The following PLXNA2 variants were observed in gnomAD, a reference collection of about 807,000 sequenced individuals.
PLXNA2 encodes plexin A2.
A neutral mutation model predicts 193.5 loss-of-function variants in PLXNA2; 91 were observed. The ratio of observed to expected loss-of-function variants is 0.47; its 90% CI spans 0.40 to 0.56. PLXNA2 has a LOEUF of 0.56. Among genes scored for constraint, PLXNA2 ranks in the 20% least tolerant of loss-of-function variants. The pLI is 0.00. For synonymous variants in PLXNA2, 997 were observed against 1,027.3 expected (o/e 0.97, Z 0.56); for missense variants, 1,995 against 2,503.2 (o/e 0.80, Z 4.33).
chr1:208,179,282 G>A (rs949896988), intron 3 of PLXNA2, among the ~76,000 whole-genome samples: 1 of 152,342 alleles, frequency 6.6e-6, no homozygotes, highest in Non-Finnish European at 1.5e-5. Flanking sequence ...CACCAATAAC[G>A]TGAGGTCAGA....
chr1:208,108,584 A>G (rs901300806), intron 4 of PLXNA2, among the ~76,000 whole-genome samples: 5 of 152,172 alleles, frequency 3.3e-5, no homozygotes, highest in African/African-American at 9.7e-5. Flanking sequence ...GCTCTTCTGG[A>G]GAAACGCCTG....
In PLXNA2 at chr1:208,124,872, G is replaced by A. The variant is rs116424073; in HGVS notation, c.1506+17457C>T. Among the ~76,000 whole-genome samples, 1,205 of 152,114 alleles carry A rather than the reference G, an allele frequency of 7.9e-3. 15 individuals carry two copies. The highest frequency in any genetic ancestry group is 0.025 in the African/African-American group (1,049 of 41,490). ...AGCTAGGCCAAGCTGGTGTCACAGC[G>A]TCCTTAGTGGCCAGGCACGGCAGTA... On this transcript the variant is annotated intron_variant, in intron 4 of 31. Transcript: ENST00000367033.
intron 3 of PLXNA2, among the ~76,000 whole-genome samples, chr1:208,191,079 G>A (rs533341094): frequency 2.0e-5 from 3 of 152,320 alleles, no homozygotes; most frequent in African/African-American, 7.2e-5. Context: ...GTCCCAAAAG[G>A]ATTCGGCTGC....
intron 4 of PLXNA2, among the ~76,000 whole-genome samples, chr1:208,123,975 T>C (rs530313540): frequency 2.0e-5 from 3 of 152,274 alleles, no homozygotes; most frequent in South Asian, 4.2e-4. Context: ...AGAGAAACTA[T>C]TTAAAGCCTA....
intron 13 of PLXNA2, among the ~76,000 whole-genome samples, chr1:208,057,810 G>T (rs1041596418): frequency 2.0e-5 from 3 of 152,208 alleles, no homozygotes; most frequent in African/African-American, 7.2e-5. Flanking sequence ...GCTTCCGGAG[G>T]CACCTTAGTG....
At chr1:208,034,143 G>A (rs1264127934) in intron 27 of PLXNA2, among the ~76,000 whole-genome samples, 1 of 152,344 alleles carries the variant, frequency 6.6e-6, no homozygotes, top group South Asian at 2.1e-4. Flanking sequence ...GTAAAAGGGG[G>A]CACTCTTAAT....
At chr1:208,172,615 CTAT>C (rs1230479895) in intron 3 of PLXNA2, among the ~76,000 whole-genome samples, 1 of 152,120 alleles carries the variant, frequency 6.6e-6, no homozygotes, top group East Asian at 1.9e-4. Flanking sequence ...TGGGTGGCAA[CTAT>C]CCCAAGGAAG....
At chr1:208,063,653 A>T (rs1665688046) in intron 12 of PLXNA2, among the ~76,000 whole-genome samples, 1 of 151,876 alleles carries the variant, frequency 6.6e-6, no homozygotes, top group Non-Finnish European at 1.5e-5. Context: ...TATGCAGTGT[A>T]CCATGCTGCC....
chr1:208,040,178 G>A, intron 22 of PLXNA2, 120 bp from the exon 23 acceptor site: 1 of 766,872 alleles, frequency 1.3e-6, no homozygotes, highest in Middle Eastern at 3.2e-4. Context: ...CAGGGCGGGA[G>A]TCAGGACACC....
intron 1 of PLXNA2, among the ~76,000 whole-genome samples, chr1:208,227,328 AGTT>A (rs1408724515): frequency 1.3e-5 from 2 of 152,282 alleles, no homozygotes; most frequent in African/African-American, 4.8e-5. Context: ...TGCTATCCAT[AGTT>A]GTGTGATTAG....
At chr1:208,119,665 A>T (rs1187450971) in intron 4 of PLXNA2, among the ~76,000 whole-genome samples, 1 of 152,178 alleles carries the variant, frequency 6.6e-6, no homozygotes, top group Non-Finnish European at 1.5e-5. Context: ...GCTAGAGTGC[A>T]GTGGCACAGT....
At chr1:208,095,068 G>A (rs2102406392) in intron 8 of PLXNA2, among the ~76,000 whole-genome samples, 1 of 152,296 alleles carries the variant, frequency 6.6e-6, no homozygotes, top group East Asian at 1.9e-4. Context: ...GGATGAGTCC[G>A]TAAACATTCC....
At chr1:208,208,038 C>T (rs1670792578) in intron 3 of PLXNA2, among the ~76,000 whole-genome samples, 1 of 152,248 alleles carries the variant, frequency 6.6e-6, no homozygotes, top group Non-Finnish European at 1.5e-5. Flanking sequence ...GAGAACTTGG[C>T]CAACTCAGGT....
chr1:208,144,303 A>G (rs909998539), intron 3 of PLXNA2, among the ~76,000 whole-genome samples: 7 of 152,196 alleles, frequency 4.6e-5, no homozygotes, highest in African/African-American at 1.7e-4. Flanking sequence ...GGGAAGGTCA[A>G]CAGCACTATT....
At chr1:208,058,316 C>T (rs1490026452) in intron 13 of PLXNA2, among the ~76,000 whole-genome samples, 2 of 152,206 alleles carry the variant, frequency 1.3e-5, no homozygotes, top group African/African-American at 4.8e-5. Context: ...CTCCACAGAC[C>T]TGTGGGGTGC....
chr1:208,172,887 A>G (rs1669538908), intron 3 of PLXNA2, among the ~76,000 whole-genome samples: 1 of 152,304 alleles, frequency 6.6e-6, no homozygotes, highest in African/African-American at 2.4e-5. Flanking sequence ...AGCAGCTCCC[A>G]GTGAATATGA....
chr1:208,150,795 C>G (rs1430707250), intron 3 of PLXNA2, among the ~76,000 whole-genome samples: 1 of 152,154 alleles, frequency 6.6e-6, no homozygotes, highest in Non-Finnish European at 1.5e-5. Flanking sequence ...CCAAGCACCC[C>G]ATCTCTGGGG....
chr1:208,033,883 T>G (rs1280082343), intron 27 of PLXNA2, among the ~76,000 whole-genome samples: 1 of 152,224 alleles, frequency 6.6e-6, no homozygotes, highest in Non-Finnish European at 1.5e-5. Context: ...GTTGTAATTC[T>G]CCTCTTGGGA....
intron 1 of PLXNA2, among the ~76,000 whole-genome samples, chr1:208,219,725 T>G (rs1171547149): frequency 6.6e-6 from 1 of 152,160 alleles, no homozygotes; most frequent in Non-Finnish European, 1.5e-5. Context: ...AGGTCCCACC[T>G]AACTCCCTCC....
Sources: allele counts gnomAD v4.1 joint callset (sites outside exome capture counted in the v4.1 genomes callset), GRCh38; gene constraint gnomAD v4.1.1; transcripts MANE v1.5; gene names NCBI Gene and HGNC (gene_info 2026-07-23, HGNC 2026-07-21).